Variants in FNDC1 observed in about 807,000 individuals in gnomAD.
FNDC1 encodes the protein fibronectin type III domain-containing protein 1.
Under a neutral mutation model 168.0 loss-of-function variants are expected in FNDC1, and 96 were observed. That is an observed-to-expected ratio of 0.57 (90% confidence interval 0.48 to 0.68). The LOEUF (loss-of-function observed/expected upper bound fraction) is 0.68. Ranked by LOEUF, FNDC1 falls within the 30% of genes least tolerant of loss-of-function variation. The pLI, the probability that FNDC1 is intolerant of heterozygous loss-of-function variation, is 0.00. For missense variants in FNDC1, 2,587 were observed against 2,482.1 expected, an observed-to-expected ratio of 1.04 and a Z score of -0.90; for synonymous variants, 1,099 against 1,025.9, an observed-to-expected ratio of 1.07 and a Z score of -1.36.
At chr6:159,182,563 G>T (rs558510336) in intron 1 of FNDC1, among the ~76,000 whole-genome samples, 1 of 152,280 alleles carries the variant, frequency 6.6e-6, no homozygotes, top group South Asian at 2.1e-4. Context: ...CTTGTTAGTG[G>T]CACTCAGCTG....
At chr6:159,270,608 G>C (rs760195964) in intron 22 of FNDC1, among the ~76,000 whole-genome samples, 1 of 152,232 alleles carries the variant, frequency 6.6e-6, no homozygotes, top group Non-Finnish European at 1.5e-5. Context: ...ACAGGGCCAA[G>C]AGTGTGAGAG....
chr6:159,238,755 T>C (rs1223605415), intron 13 of FNDC1, 90 bp downstream of exon 13: 5 of 860,762 alleles, frequency 5.8e-6, no homozygotes, highest in East Asian at 5.4e-5. Context: ...TCATTTATAA[T>C]GAATGGTCAT....
intron 5 of FNDC1, among the ~76,000 whole-genome samples, chr6:159,217,137 CAAG>C (rs1384522275): frequency 6.6e-6 from 1 of 152,164 alleles, no homozygotes; most frequent in African/African-American, 2.4e-5. Flanking sequence ...ATCCTTCAGA[CAAG>C]GAGGGGGATG....
At chr6:159,245,526 T>C (rs2115008020) in intron 14 of FNDC1, among the ~76,000 whole-genome samples, 1 of 152,304 alleles carries the variant, frequency 6.6e-6, no homozygotes, top group African/African-American at 2.4e-5. Flanking sequence ...CAAGATTTTA[T>C]CAGCTACAGT....
At chr6:159,171,233 T>C (rs1044735933) in intron 1 of FNDC1, among the ~76,000 whole-genome samples, 4 of 152,164 alleles carry the variant, frequency 2.6e-5, no homozygotes, top group Non-Finnish European at 4.4e-5. Context: ...CTCTACTGTG[T>C]TGACGTGGGA....
At chr6:159,213,224 T>C (rs1485746300) in intron 4 of FNDC1, among the ~76,000 whole-genome samples, 1 of 152,158 alleles carries the variant, frequency 6.6e-6, no homozygotes, top group Non-Finnish European at 1.5e-5. Flanking sequence ...AAAGCTGTTG[T>C]CCCTGCTGTT....
Position 159,197,551 on chromosome 6 carries a change from A to C in FNDC1, c.230A>C (p.Tyr77Ser), listed in dbSNP as rs1304550180. The C allele has an allele frequency of 3.7e-6, 6 of 1,614,002 alleles. No individual in the cohort carries two copies. Among genetic ancestry groups the C allele is most frequent in the Non-Finnish European group, 3.4e-6 (4 of 1,179,874 alleles). Residue 77 changes from tyrosine to serine, a missense_variant, in exon 2 of 23, where the codon TAT (tyrosine) becomes TCT (serine). By Grantham distance (144) the Tyr-to-Ser change is moderately radical. Transcript: ENST00000297267. Reference sequence around the variant, plus strand: ...CCTGTGGAGCATTACAACATTGCCTATGGGAAGTCACTGAAAAGTCTTAAA... The same window carrying C: ...CCTGTGGAGCATTACAACATTGCCTCTGGGAAGTCACTGAAAAGTCTTAAA... ...SRPVEHYNIA[Y>S]GKSLKSLKYI...
intron 2 of FNDC1, among the ~76,000 whole-genome samples, chr6:159,199,117 C>T (rs1405114195): frequency 6.6e-6 from 1 of 152,226 alleles, no homozygotes; most frequent in Admixed American, 6.5e-5. Flanking sequence ...GCTCTCGTCC[C>T]CTGAAATACC....
At position 159,267,924 on chromosome 6, in the gene FNDC1, A is replaced by G. The variant is rs1777623320; in HGVS notation, c.5567A>G (p.Gln1856Arg). 2 of 1,607,430 alleles carry G rather than the reference A, an allele frequency of 1.2e-6. No individual in the cohort carries two copies. Among genetic ancestry groups the G allele is most frequent in the African/African-American group, 1.3e-5 (1 of 74,976 alleles). The change falls in exon 22 of 23, where the codon CAA becomes CGA. Residue 1856 changes from glutamine (Q) to arginine (R), a missense_variant and splice_region_variant. Coordinates refer to ENST00000297267, the MANE Select transcript of FNDC1 (RefSeq NM_032532.3). ...QSYVEALPTI[Q>R]GYYRQYRQEP... ...TATGTAGAAGCCCTCCCTACTATTC[A>G]AGGTAATACAAACAAATGCCTGATA...
At chr6:159,267,675 A>G in intron 21 of FNDC1, 129 bp from the exon 22 acceptor site, 1 of 951,032 alleles carries the variant, frequency 1.1e-6, no homozygotes, top group East Asian at 2.6e-5. Flanking sequence ...TCAGACATGA[A>G]AAATACAGCA....
intron 1 of FNDC1, among the ~76,000 whole-genome samples, chr6:159,193,114 A>ATG (rs1562631704): frequency 6.6e-6 from 1 of 152,012 alleles, no homozygotes; most frequent in East Asian, 1.9e-4. Context: ...CCAACAGCTC[A>ATG]TGTGTGTATG....
At chr6:159,261,948 A>G (rs73023786) in intron 19 of FNDC1, among the ~76,000 whole-genome samples, 2 of 151,172 alleles carry the variant, frequency 1.3e-5, no homozygotes, top group African/African-American at 4.9e-5. Context: ...CAAAAAAAAA[A>G]TTTTTTTTAA....
At chr6:159,253,330 G>A (rs912143891) in intron 17 of FNDC1, among the ~76,000 whole-genome samples, 2 of 152,200 alleles carry the variant, frequency 1.3e-5, no homozygotes. Flanking sequence ...GCGGCAGCTC[G>A]TCATCCATTA....
intron 17 of FNDC1, among the ~76,000 whole-genome samples, chr6:159,255,927 A>T (rs1433990434): frequency 1.3e-5 from 2 of 152,206 alleles, no homozygotes; most frequent in African/African-American, 4.8e-5. Flanking sequence ...TGTTATTAGC[A>T]AATAAGAGAG....
intron 9 of FNDC1, among the ~76,000 whole-genome samples, chr6:159,227,118 A>C (rs111440046): frequency 1.3e-5 from 2 of 152,386 alleles, no homozygotes; most frequent in Non-Finnish European, 2.9e-5. Flanking sequence ...ATTTTAAAGA[A>C]TAAAAATAGA....
At chr6:159,265,783 C>G (rs1777578815) in intron 20 of FNDC1, among the ~76,000 whole-genome samples, 1 of 152,096 alleles carries the variant, frequency 6.6e-6, no homozygotes, top group South Asian at 2.1e-4. Context: ...CAAAAATTAG[C>G]CGGGTGTGGT....
At chr6:159,171,453 C>G (rs1406227185) in intron 1 of FNDC1, among the ~76,000 whole-genome samples, 1 of 152,112 alleles carries the variant, frequency 6.6e-6, no homozygotes, top group Non-Finnish European at 1.5e-5. Context: ...TAGACTGCTC[C>G]CTCTCTCTGG....
At position 159,233,951 on chromosome 6, in the gene FNDC1, C is replaced by G. The variant is rs1341465942; in HGVS notation, c.3439C>G (p.Arg1147Gly). 3 of 1,568,946 alleles carry G rather than the reference C, an allele frequency of 1.9e-6. No homozygotes were observed. The highest frequency in any genetic ancestry group is 1.4e-5 in the African/African-American group (1 of 73,890). The part of the protein sequence containing the change: ...RPSRPGGPQS[R>G]ARVPSRAAPG... The stretch of plus-strand genomic sequence containing the variant: ...CAGCCGACCCGGCGGCCCCCAGTCC[C>G]GCGCCCGGGTACCCAGCAGGGCAGC... The change falls in exon 11 of 23, where the codon CGC becomes GGC. Residue 1147 changes from arginine to glycine, a missense_variant. By Grantham distance (125) the Arg-to-Gly change is moderately radical. Transcript: ENST00000297267. This position sits in a 1 kb window ranked among gnomAD's most constrained non-coding sequence, Gnocchi z 4.6.
chr6:159,203,794 C>G (rs1303711427), intron 4 of FNDC1, among the ~76,000 whole-genome samples: 1 of 152,038 alleles, frequency 6.6e-6, no homozygotes, highest in Non-Finnish European at 1.5e-5. Flanking sequence ...AGAGCCAGGC[C>G]CTGGGGGTCA....
Sources: gnomAD v4.1 joint callset for allele counts (sites outside exome capture counted in the v4.1 genomes callset) on GRCh38, gnomAD v4.1.1 for gene constraint, Gnocchi (gnomAD v3.1) non-coding constraint, MANE v1.5 for transcripts, NCBI Gene and HGNC (gene_info 2026-07-23, HGNC 2026-07-21) for gene names.